Variants in ELF5 observed in about 807,000 individuals in gnomAD.
The protein encoded by ELF5 is ETS-related transcription factor Elf-5.
Under a neutral mutation model 38.2 loss-of-function variants are expected in ELF5, and 31 were observed. That is an observed-to-expected ratio of 0.81 (90% CI 0.61 to 1.10). ELF5 has a LOEUF of 1.10. Ranked by LOEUF, ELF5 falls within the 50% of genes least tolerant of loss-of-function variation. The probability of loss-of-function intolerance (pLI) is 0.00; values close to 1 mark genes in which losing one functional copy is unlikely to be tolerated. For synonymous variants in ELF5, 121 were observed against 112.5 expected (o/e 1.08, Z -0.48); for missense variants, 300 against 306.6 (o/e 0.98, Z 0.16).
chr11:34,499,092 C>CAA (rs202065953), intron 2 of ELF5, among the ~76,000 whole-genome samples: 31 of 143,672 alleles, frequency 2.2e-4, no homozygotes, highest in African/African-American at 6.6e-4. Context: ...ACTCCATTTC[C>CAA]AAAAAAAAAA....
intron 1 of ELF5, among the ~76,000 whole-genome samples, chr11:34,509,277 G>T (rs969797830): frequency 3.3e-5 from 5 of 152,134 alleles, no homozygotes; most frequent in Non-Finnish European, 5.9e-5. Flanking sequence ...GCAGTGAGCT[G>T]AGATCGTGCC....
At chr11:34,499,620 A>C (rs566327431) in intron 2 of ELF5, among the ~76,000 whole-genome samples, 1 of 152,246 alleles carries the variant, frequency 6.6e-6, no homozygotes, top group African/African-American at 2.4e-5. Flanking sequence ...TTGAGCTTAG[A>C]GCTTTCAGTT....
intron 2 of ELF5, among the ~76,000 whole-genome samples, chr11:34,501,680 G>C (rs1850473973): frequency 6.6e-6 from 1 of 152,018 alleles, no homozygotes; most frequent in Non-Finnish European, 1.5e-5. Context: ...TGAAATTCTA[G>C]AGTATTTTGC....
intron 2 of ELF5, among the ~76,000 whole-genome samples, chr11:34,499,459 G>T (rs1161748479): frequency 6.6e-6 from 1 of 152,122 alleles, no homozygotes; most frequent in Non-Finnish European, 1.5e-5. Context: ...AGGCTGGTTG[G>T]TCTTGAACTC....
intron 4 of ELF5, among the ~76,000 whole-genome samples, chr11:34,484,826 G>A (rs1849945129): frequency 6.6e-6 from 1 of 152,068 alleles, no homozygotes; most frequent in Non-Finnish European, 1.5e-5. Flanking sequence ...GTTCCATTGA[G>A]GCAAGGCTTT....
chr11:34,502,672 G>A (rs1850501862), intron 2 of ELF5, among the ~76,000 whole-genome samples: 2 of 152,208 alleles, frequency 1.3e-5, no homozygotes, highest in African/African-American at 2.4e-5. Flanking sequence ...CCCGAGGGCC[G>A]GTGGCTACTT....
Position 34,505,646 on chromosome 11 carries a change from G to C in ELF5, c.104C>G (p.Ala35Gly). The C allele has an allele frequency of 6.2e-7, 1 of 1,613,762 alleles. No homozygotes were observed. The highest frequency in any genetic ancestry group is 8.5e-7 in the Non-Finnish European group (1 of 1,179,822). Residue 35 changes from alanine (A) to glycine (G), a missense_variant, in exon 2 of 7, where the codon GCC (alanine) becomes GGC (glycine). Coordinates refer to ENST00000257832, the MANE Select transcript of ELF5 (RefSeq NM_001422.4). ...GTACGCACCTGTCTGATGCTCAAAG[G>C]CAGGGTAGTACTCTTCATTGCTGAA... Reference protein sequence around the residue: ...DLFSNEEYYPAFEHQTACDSY... With the variant: ...DLFSNEEYYPGFEHQTACDSY...
At chr11:34,501,170 C>T (rs1330821707) in intron 2 of ELF5, among the ~76,000 whole-genome samples, 1 of 152,188 alleles carries the variant, frequency 6.6e-6, no homozygotes. Flanking sequence ...CCTCACTGTG[C>T]TCTACCGTCT....
intron 1 of ELF5, among the ~76,000 whole-genome samples, chr11:34,507,146 A>G (rs1418933614): frequency 2.6e-5 from 4 of 152,214 alleles, no homozygotes; most frequent in East Asian, 1.9e-4. Context: ...CTGAGGGGTA[A>G]TCTGTACTCC....
chr11:34,494,964 C>T (rs1208822540), intron 2 of ELF5, among the ~76,000 whole-genome samples: 1 of 152,148 alleles, frequency 6.6e-6, no homozygotes, highest in African/African-American at 2.4e-5. Context: ...ATGTGTGCAG[C>T]CACACGTTGT....
At chr11:34,493,827 G>T in intron 2 of ELF5, 115 bp from the exon 3 acceptor site, 1 of 883,586 alleles carries the variant, frequency 1.1e-6, no homozygotes, top group Non-Finnish European at 1.7e-6. Context: ...TAAGTTGAAA[G>T]GGCCTCCAGC....
At chr11:34,495,328 G>A (rs1850290268) in intron 2 of ELF5, among the ~76,000 whole-genome samples, 1 of 152,196 alleles carries the variant, frequency 6.6e-6, no homozygotes, top group Non-Finnish European at 1.5e-5. Context: ...GCGATTTGCA[G>A]CGTTTAAAGG....
At chr11:34,512,898 T>G (rs945869638) in intron 1 of ELF5, among the ~76,000 whole-genome samples, 1 of 152,208 alleles carries the variant, frequency 6.6e-6, no homozygotes, top group African/African-American at 2.4e-5. Context: ...TCATCTAGCC[T>G]TTCTGGCCTC....
chr11:34,506,494 G>T (rs1382698982), intron 1 of ELF5, among the ~76,000 whole-genome samples: 1 of 152,088 alleles, frequency 6.6e-6, no homozygotes, highest in Non-Finnish European at 1.5e-5. Flanking sequence ...TAAACTAAAA[G>T]TTGAAATAAT....
chr11:34,491,036 C>T (rs1167136675), intron 3 of ELF5, among the ~76,000 whole-genome samples: 1 of 152,144 alleles, frequency 6.6e-6, no homozygotes, highest in East Asian at 1.9e-4. Flanking sequence ...GTGCTGAGGC[C>T]TTACAACCCC....
At chr11:34,507,376 T>A (rs1480526014) in intron 1 of ELF5, among the ~76,000 whole-genome samples, 1 of 152,222 alleles carries the variant, frequency 6.6e-6, no homozygotes, top group South Asian at 2.1e-4. Context: ...TTCCATTTCA[T>A]AGGTGAGGGA....
rs530889506 is a variant in ELF5, at chr11:34,508,748, G to A, written c.-4-2995C>T. Among the ~76,000 whole-genome samples the A allele has an allele frequency of 5.3e-5, 8 of 152,182 alleles. No individual in the cohort carries two copies. In the South Asian group the frequency reaches 1.2e-3, roughly 24 times the overall value. ...CTGAGTTAGTCCAATTTCCCTCCTCGCCTCCACCATTTTACAGTTGAGGAA... is the reference window on the plus strand; with the variant it reads ...CTGAGTTAGTCCAATTTCCCTCCTCACCTCCACCATTTTACAGTTGAGGAA... On this transcript the variant is annotated intron_variant, in intron 1 of 6. Coordinates refer to ENST00000257832, the MANE Select transcript of ELF5 (RefSeq NM_001422.4).
At position 34,480,170 on chromosome 11, in the gene ELF5, G is replaced by A. The variant is rs2133866960; in HGVS notation, c.*48C>T. ...TTCGAATGTCTATTGCAATCTGATT[G>A]TTTTAAAAGACAGAAATCCATAAAA... On this transcript the variant is annotated 3_prime_UTR_variant, in exon 7 of 7. Coordinates refer to ENST00000257832, the MANE Select transcript of ELF5 (RefSeq NM_001422.4). The A allele has an allele frequency of 1.3e-6, 2 of 1,486,148 alleles. No individual in the cohort carries two copies. Among genetic ancestry groups the A allele is most frequent in the Non-Finnish European group, 1.9e-6 (2 of 1,068,400 alleles). 92.1% of individuals were successfully genotyped at this position (1,486,148 alleles called of 1,614,324 possible).
intron 2 of ELF5, among the ~76,000 whole-genome samples, chr11:34,501,423 G>A (rs1850465057): frequency 6.6e-6 from 1 of 152,190 alleles, no homozygotes; most frequent in South Asian, 2.1e-4. Context: ...CAGGGGAGGG[G>A]TGTTGGTCTG....
Sources: allele counts gnomAD v4.1 joint callset (sites outside exome capture counted in the v4.1 genomes callset), GRCh38; gene constraint gnomAD v4.1.1; transcripts MANE v1.5; gene names NCBI Gene and HGNC (gene_info 2026-07-23, HGNC 2026-07-21).